Variants in EXOC4 observed in about 807,000 individuals in gnomAD.
EXOC4 encodes the protein exocyst complex component 4.
EXOC4 carries 71 observed loss-of-function variants against 107.2 expected under a neutral mutation model. The ratio of observed to expected loss-of-function variants is 0.66; its 90% CI spans 0.55 to 0.81. The LOEUF (loss-of-function observed/expected upper bound fraction) is 0.81. Among genes scored for constraint, EXOC4 ranks in the 30% least tolerant of loss-of-function variants. The pLI is 0.00. For synonymous variants in EXOC4, 456 were observed against 441.2 expected, an observed-to-expected ratio of 1.03 and a Z score of -0.42; for missense variants, 1,108 against 1,189.6, an observed-to-expected ratio of 0.93 and a Z score of 1.01.
chr7:133,328,512 A>T (rs1563020720), intron 5 of EXOC4, among the ~76,000 whole-genome samples: 3 of 151,908 alleles, frequency 2.0e-5, no homozygotes, highest in African/African-American at 2.4e-5. Flanking sequence ...CAGTTTTTTC[A>T]TAGTGTCAAT....
At chr7:133,775,638 G>T (rs1796329789) in intron 10 of EXOC4, among the ~76,000 whole-genome samples, 1 of 152,156 alleles carries the variant, frequency 6.6e-6, no homozygotes, top group Admixed American at 6.6e-5. Context: ...TACAGAGGGA[G>T]AACTGTTGCA....
chr7:133,748,604 TA>T (rs1795724843), intron 10 of EXOC4, among the ~76,000 whole-genome samples: 1 of 152,142 alleles, frequency 6.6e-6, no homozygotes, highest in African/African-American at 2.4e-5. Flanking sequence ...CTCAACTGGA[TA>T]ACAAGGGGAA....
chr7:133,551,737 TA>T (rs1800593414), intron 9 of EXOC4: 1 of 152,138 alleles, frequency 6.6e-6, no homozygotes, highest in African/African-American at 2.4e-5. Flanking sequence ...TTCATTCACT[TA>T]AATTTGTCCA....
chr7:133,488,330 A>G (rs920495146), intron 9 of EXOC4, among the ~76,000 whole-genome samples: 1 of 152,148 alleles, frequency 6.6e-6, no homozygotes, highest in Admixed American at 6.5e-5. Context: ...CTCTTCTTCT[A>G]TTTAATCTTA....
chr7:133,977,207 T>C (rs1041424909), intron 14 of EXOC4, among the ~76,000 whole-genome samples: 1 of 152,242 alleles, frequency 6.6e-6, no homozygotes, highest in Non-Finnish European at 1.5e-5. Context: ...GTCTACATCT[T>C]TAACCTGGGA....
At chr7:133,550,154 G>C (rs1039557457) in intron 9 of EXOC4, among the ~76,000 whole-genome samples, 4 of 152,132 alleles carry the variant, frequency 2.6e-5, no homozygotes, top group Non-Finnish European at 5.9e-5. Context: ...AGGGAGAGGT[G>C]TTACGTAGGA....
intron 13 of EXOC4, among the ~76,000 whole-genome samples, chr7:133,934,534 A>T (rs780622184): frequency 2.0e-4 from 31 of 152,206 alleles, no homozygotes; most frequent in Non-Finnish European, 3.5e-4. Flanking sequence ...CTGGCAGCAC[A>T]CGGCAGACAT....
At chr7:134,038,690 C>T (rs1443560058) in intron 17 of EXOC4, among the ~76,000 whole-genome samples, 2 of 152,274 alleles carry the variant, frequency 1.3e-5, no homozygotes, top group African/African-American at 4.8e-5. Context: ...CTCCACGGCC[C>T]CATGCCCTCA....
chr7:134,021,920 AGAGG>A (rs886881215), intron 17 of EXOC4, among the ~76,000 whole-genome samples: 1 of 151,936 alleles, frequency 6.6e-6, no homozygotes, highest in East Asian at 1.9e-4. Flanking sequence ...TATTGGGGAC[AGAGG>A]GAGGGAGGGA....
intron 9 of EXOC4, among the ~76,000 whole-genome samples, chr7:133,571,807 CAG>C (rs958401524): frequency 1.2e-4 from 19 of 152,296 alleles, no homozygotes; most frequent in Middle Eastern, 3.4e-3. Context: ...GGAGGACACT[CAG>C]GGGTCCTGAC....
chr7:134,030,343 G>C (rs546606090), intron 17 of EXOC4, among the ~76,000 whole-genome samples: 1 of 152,324 alleles, frequency 6.6e-6, no homozygotes, highest in South Asian at 2.1e-4. Context: ...GTCCATCAAT[G>C]ATGAGTGGAT....
chr7:134,011,410 A>G (rs1794759650), intron 17 of EXOC4, among the ~76,000 whole-genome samples: 1 of 151,936 alleles, frequency 6.6e-6, no homozygotes, highest in Non-Finnish European at 1.5e-5. Context: ...CTGCCTCTTC[A>G]GCTGTCTCTT....
chr7:133,635,608 G>A (rs1802688904), intron 10 of EXOC4, among the ~76,000 whole-genome samples: 1 of 152,166 alleles, frequency 6.6e-6, no homozygotes, highest in African/African-American at 2.4e-5. Context: ...TTGAAACAAA[G>A]TCATGCCTTT....
At chr7:133,838,145 T>C (rs947058692) in intron 11 of EXOC4, among the ~76,000 whole-genome samples, 1 of 152,166 alleles carries the variant, frequency 6.6e-6, no homozygotes, top group Non-Finnish European at 1.5e-5. Flanking sequence ...AAAAAGGAAA[T>C]GAATATGACA....
At chr7:133,907,922 T>C (rs1404258218) in intron 12 of EXOC4, among the ~76,000 whole-genome samples, 5 of 152,194 alleles carry the variant, frequency 3.3e-5, no homozygotes, top group Non-Finnish European at 5.9e-5. Context: ...GAAGTTATTA[T>C]GTCATTTTCC....
intron 10 of EXOC4, among the ~76,000 whole-genome samples, chr7:133,707,501 T>C (rs945616824): frequency 6.6e-6 from 1 of 151,994 alleles, no homozygotes; most frequent in Non-Finnish European, 1.5e-5. Flanking sequence ...AAGTTAAAAA[T>C]GAAATACCAA....
chr7:133,400,577 C>T (rs543202250), intron 7 of EXOC4, among the ~76,000 whole-genome samples: 3 of 152,096 alleles, frequency 2.0e-5, no homozygotes, highest in Non-Finnish European at 2.9e-5. Context: ...CCTACTGTGT[C>T]GCATCACTGA....
At chr7:133,830,214 C>T (rs563562902) in intron 11 of EXOC4, among the ~76,000 whole-genome samples, 8 of 152,314 alleles carry the variant, frequency 5.3e-5, no homozygotes, top group Admixed American at 1.3e-4. Context: ...ACAAACATTT[C>T]GGAATTTGTT....
intron 14 of EXOC4, among the ~76,000 whole-genome samples, chr7:133,982,972 AC>A (rs1794027147): frequency 6.6e-6 from 1 of 152,180 alleles, no homozygotes; most frequent in Non-Finnish European, 1.5e-5. Context: ...ATAAAGAAAT[AC>A]CTGAGACTGA....
Sources: allele counts gnomAD v4.1 joint callset (sites outside exome capture counted in the v4.1 genomes callset), GRCh38; gene constraint gnomAD v4.1.1; transcripts MANE v1.5; gene names NCBI Gene and HGNC (gene_info 2026-07-23, HGNC 2026-07-21).